Variants in RNGTT observed in about 807,000 individuals in gnomAD.
RNGTT encodes the protein RNA guanylyltransferase and 5'-phosphatase, also known as mRNA-capping enzyme.
Under a neutral mutation model 79.3 loss-of-function variants are expected in RNGTT, and 33 were observed. The observed-to-expected ratio is 0.42, with a 90% confidence interval of 0.32 to 0.56. RNGTT has a LOEUF of 0.56. Ranked by LOEUF, RNGTT falls within the 20% of genes least tolerant of loss-of-function variation. The pLI, the probability that RNGTT is intolerant of heterozygous loss-of-function variation, is 0.17. For missense variants in RNGTT, 497 were observed against 739.1 expected, an observed-to-expected ratio of 0.67 and a Z score of 3.80; for synonymous variants, 222 against 235.9, an observed-to-expected ratio of 0.94 and a Z score of 0.54.
intron 1 of RNGTT, among the ~76,000 whole-genome samples, chr6:88,950,504 C>A (rs577550994): frequency 6.6e-6 from 1 of 152,284 alleles, no homozygotes; most frequent in Admixed American, 6.5e-5. Context: ...ATTCACCATT[C>A]TAGATGCCAT....
intron 14 of RNGTT, among the ~76,000 whole-genome samples, chr6:88,633,101 AATCCTGAAAT>A (rs1309413318): frequency 1.3e-5 from 2 of 152,176 alleles, no homozygotes; most frequent in African/African-American, 4.8e-5. Flanking sequence ...TGTTTTGTCA[AATCCTGAAAT>A]ATCATGACAT....
chr6:88,817,748 C>CTT (rs1227582021), intron 11 of RNGTT, among the ~76,000 whole-genome samples: 18 of 99,990 alleles, frequency 1.8e-4, no homozygotes, highest in African/African-American at 5.1e-4. Flanking sequence ...CTATTCACAT[C>CTT]ATTTTTTTTT....
rs79488860 is a variant in RNGTT, at chr6:88,929,269, TAA to T, written c.175-4_175-3del. On this transcript the variant is annotated splice_polypyrimidine_tract_variant and splice_region_variant and intron_variant, in intron 2 of 15. Coordinates refer to ENST00000369485, the MANE Select transcript of RNGTT (RefSeq NM_003800.5). ...GTCCACCAACAAGCCCATTTTAACC[TAA>T]AAAAAAAAAAAAATGAAAGGGCAAA... 7.2e-3 allele frequency: 9,435 copies of T among 1,308,724 alleles called. No individual in the cohort carries two copies. The highest frequency in any genetic ancestry group is 9.8e-3 in the South Asian group (721 of 73,348). The allele number at this position is 1,308,724 out of a possible 1,614,324, so 81.1% of individuals were successfully genotyped here. A position where few individuals can be genotyped will look rare whatever the true frequency, so the allele number is the denominator to read the frequency against.
chr6:88,732,064 G>A (rs1777134578), intron 13 of RNGTT, among the ~76,000 whole-genome samples: 2 of 152,042 alleles, frequency 1.3e-5, no homozygotes, highest in African/African-American at 2.4e-5. Context: ...AAGAAGAGGA[G>A]GGTTGGTCTT....
chr6:88,863,586 G>GA (rs1782079429), intron 8 of RNGTT, among the ~76,000 whole-genome samples: 2 of 152,222 alleles, frequency 1.3e-5, no homozygotes, highest in Admixed American at 1.3e-4. Flanking sequence ...TCTGTTTCAA[G>GA]AAAGTCCCTT....
At chr6:88,810,050 A>G (rs1467420880) in intron 11 of RNGTT, among the ~76,000 whole-genome samples, 2 of 152,182 alleles carry the variant, frequency 1.3e-5, no homozygotes, top group Non-Finnish European at 2.9e-5. Flanking sequence ...ATCGCCTAAC[A>G]AAAGCAAAAA....
intron 12 of RNGTT, among the ~76,000 whole-genome samples, chr6:88,780,847 G>A (rs1050249023): frequency 6.6e-6 from 1 of 152,210 alleles, no homozygotes; most frequent in Admixed American, 6.5e-5. Context: ...AGGTGGACAG[G>A]AAGCTAACTG....
chr6:88,771,049 T>C (rs1054419771), intron 12 of RNGTT, among the ~76,000 whole-genome samples: 3 of 152,026 alleles, frequency 2.0e-5, no homozygotes, highest in Non-Finnish European at 4.4e-5. Context: ...TACAAGTCTT[T>C]GGCTTTTTCA....
At chr6:88,767,394 T>TG (rs1778496970) in intron 13 of RNGTT, among the ~76,000 whole-genome samples, 1 of 152,108 alleles carries the variant, frequency 6.6e-6, no homozygotes, top group Non-Finnish European at 1.5e-5. Context: ...CTATGTTTAA[T>TG]TACAATAGGA....
intron 14 of RNGTT, among the ~76,000 whole-genome samples, chr6:88,647,715 A>AAAAAAAAAAGAAG (rs531898293): frequency 1.4e-5 from 2 of 142,506 alleles, no homozygotes; most frequent in African/African-American, 6.0e-5. Flanking sequence ...AAAAAAAAAA[A>AAAAAAAAAAGAAG]AAGAAGAAGA....
At chr6:88,636,187 T>C (rs1052648788) in intron 14 of RNGTT, among the ~76,000 whole-genome samples, 6 of 152,122 alleles carry the variant, frequency 3.9e-5, no homozygotes, top group East Asian at 1.9e-4. Context: ...TGGAACTTCA[T>C]TGGAAAGCTC....
Position 88,963,423 on chromosome 6 carries a change from G to A in RNGTT, c.-14C>T. The A allele has an allele frequency of 6.3e-7, 1 of 1,576,702 alleles. No individual in the cohort carries two copies. The highest frequency in any genetic ancestry group is 1.1e-5 in the South Asian group (1 of 88,616). On this transcript the variant is annotated 5_prime_UTR_variant, in exon 1 of 16. Coordinates refer to ENST00000369485, the MANE Select transcript of RNGTT (RefSeq NM_003800.5). ...GTTGTGAGCCATGTCTTGGGGCTGC[G>A]CAGAGCTGCCCTCCCTCACCAACGT...
intron 13 of RNGTT, among the ~76,000 whole-genome samples, chr6:88,703,506 G>C (rs564159617): frequency 6.6e-6 from 1 of 152,230 alleles, no homozygotes; most frequent in Non-Finnish European, 1.5e-5. Flanking sequence ...TAGACATAAA[G>C]ATGGCAACAA....
Position 88,891,928 on chromosome 6 carries a change from A to T in RNGTT, c.685-13T>A, listed in dbSNP as rs1366037278. On this transcript the variant is annotated splice_polypyrimidine_tract_variant and intron_variant, in intron 6 of 15. Transcript: ENST00000369485. ...AGAAAATAGCGCCCTTTAAAAAAAA[A>T]ATAAGAAAAATAAGGGAAAGAAAAA... 1.3e-6 allele frequency: 2 copies of T among 1,482,896 alleles called. No homozygotes were observed. Among genetic ancestry groups the T allele is most frequent in the South Asian group, 2.6e-5 (2 of 77,586 alleles). 91.9% of individuals were successfully genotyped at this position (1,482,896 alleles called of 1,614,324 possible).
chr6:88,898,135 TGGTAC>T (rs1783316050), intron 6 of RNGTT, among the ~76,000 whole-genome samples: 1 of 152,092 alleles, frequency 6.6e-6, no homozygotes, highest in African/African-American at 2.4e-5. Context: ...GAAGTGAGGG[TGGTAC>T]AGGGAACCCC....
At chr6:88,678,113 A>T in intron 14 of RNGTT, 1 of 545,936 alleles carries the variant, frequency 1.8e-6, no homozygotes, top group Non-Finnish European at 2.5e-6. Flanking sequence ...CAGCCTCCAG[A>T]GTAGCTGGGA....
At chr6:88,898,347 TTTC>T (rs1442967380) in intron 6 of RNGTT, among the ~76,000 whole-genome samples, 6 of 152,134 alleles carry the variant, frequency 3.9e-5, no homozygotes, top group African/African-American at 1.4e-4. Context: ...ATATTTTACA[TTTC>T]TTTTGTCTTT....
At chr6:88,772,654 C>G (rs1314237301) in intron 12 of RNGTT, among the ~76,000 whole-genome samples, 3 of 152,108 alleles carry the variant, frequency 2.0e-5, no homozygotes, top group East Asian at 1.9e-4. Flanking sequence ...CAAAAAGTGG[C>G]CGAAGGACAT....
intron 8 of RNGTT, among the ~76,000 whole-genome samples, chr6:88,856,346 AG>A (rs1367660283): frequency 6.6e-6 from 1 of 152,114 alleles, no homozygotes; most frequent in Non-Finnish European, 1.5e-5. Flanking sequence ...CTGACTGCCC[AG>A]AAGTTGAGAA....
Sources: allele counts gnomAD v4.1 joint callset (sites outside exome capture counted in the v4.1 genomes callset), GRCh38; gene constraint gnomAD v4.1.1; transcripts MANE v1.5; gene names NCBI Gene and HGNC (gene_info 2026-07-23, HGNC 2026-07-21).